The following CPEB3 variants were observed in gnomAD, a reference collection of about 807,000 sequenced individuals.
The protein encoded by CPEB3 is cytoplasmic polyadenylation element-binding protein 3.
CPEB3 carries 20 observed loss-of-function variants against 67.2 expected under a neutral mutation model. The observed-to-expected ratio is 0.30, with a 90% CI of 0.21 to 0.43. The LOEUF is 0.43. Ranked by LOEUF, CPEB3 falls within the 20% of genes least tolerant of loss-of-function variation. The probability of loss-of-function intolerance (pLI) is 1.00; values close to 1 mark genes in which losing one functional copy is unlikely to be tolerated. For synonymous variants in CPEB3, 376 were observed against 393.1 expected (o/e 0.96, Z 0.51); for missense variants, 746 against 968.6 (o/e 0.77, Z 3.05).
Position 92,281,426 on chromosome 10 carries a change from T to C in CPEB3, c.-12+9500A>G, listed in dbSNP as rs74149398. ...ATTGTTCAGTTGTAATAAATTTTTA[T>C]ATATTCTAAATATAAGTCCCTTTTC... On this transcript the variant is annotated intron_variant, in intron 1 of 9. Coordinates refer to ENST00000265997, the MANE Select transcript of CPEB3 (RefSeq NM_014912.5). Among the ~76,000 whole-genome samples, 816 of 152,230 alleles carry C rather than the reference T, an allele frequency of 5.4e-3. 8 individuals are homozygous for C. The highest frequency in any genetic ancestry group is 0.019 in the African/African-American group (777 of 41,546).
chr10:92,151,777 C>T (rs901210355), intron 4 of CPEB3, among the ~76,000 whole-genome samples: 1 of 152,068 alleles, frequency 6.6e-6, no homozygotes, highest in Non-Finnish European at 1.5e-5. Flanking sequence ...TCTTATTTAC[C>T]CTCCAAGGTT....
At chr10:92,161,293 CAG>C (rs1233055400) in intron 4 of CPEB3, among the ~76,000 whole-genome samples, 1 of 151,538 alleles carries the variant, frequency 6.6e-6, no homozygotes, top group Non-Finnish European at 1.5e-5. Flanking sequence ...TTTTTTGAGA[CAG>C]AGTTTCGCCC....
intron 2 of CPEB3, among the ~76,000 whole-genome samples, chr10:92,234,848 C>T (rs951357202): frequency 3.3e-5 from 5 of 151,866 alleles, no homozygotes; most frequent in South Asian, 2.1e-4. Flanking sequence ...TCTCTTGAAC[C>T]GGGGAGGCAG....
At chr10:92,052,837 G>A (rs997632420) in intron 9 of CPEB3, among the ~76,000 whole-genome samples, 2 of 152,202 alleles carry the variant, frequency 1.3e-5, no homozygotes, top group African/African-American at 4.8e-5. Context: ...TGAAAGCCGG[G>A]CAGCATCTGA....
intron 4 of CPEB3, among the ~76,000 whole-genome samples, chr10:92,162,150 T>G (rs1847517701): frequency 6.6e-6 from 1 of 152,198 alleles, no homozygotes; most frequent in Non-Finnish European, 1.5e-5. Flanking sequence ...TCTTTTTTTT[T>G]TTAAGAGAAA....
intron 2 of CPEB3, chr10:92,216,241 T>C (rs1352020521): frequency 5.2e-6 from 6 of 1,164,872 alleles, no homozygotes; most frequent in Non-Finnish European, 6.1e-6. Flanking sequence ...ATCAAGATCA[T>C]ACTGGCCAAC....
chr10:92,140,269 G>A (rs1159753776), intron 6 of CPEB3, among the ~76,000 whole-genome samples: 4 of 152,238 alleles, frequency 2.6e-5, no homozygotes, highest in Middle Eastern at 3.4e-3. Flanking sequence ...GCATGGTACT[G>A]GGACCAAAAC....
At chr10:92,075,007 A>C (rs1261291463) in intron 9 of CPEB3, among the ~76,000 whole-genome samples, 1 of 152,132 alleles carries the variant, frequency 6.6e-6, no homozygotes, top group Non-Finnish European at 1.5e-5. Context: ...CTGTGTGCCA[A>C]GCACTTCCAT....
chr10:92,168,791 C>CTTTTTTTTT (rs748498383), intron 4 of CPEB3, among the ~76,000 whole-genome samples: 1 of 118,390 alleles, frequency 8.4e-6, no homozygotes, highest in African/African-American at 3.5e-5. Context: ...ACCTCTTGCC[C>CTTTTTTTTT]TTTTTTTTTT....
intron 2 of CPEB3, among the ~76,000 whole-genome samples, chr10:92,230,030 G>C (rs1851190899): frequency 6.6e-6 from 1 of 151,200 alleles, no homozygotes; most frequent in Admixed American, 6.6e-5. Context: ...TAGGCAACGA[G>C]AGCGAAACTC....
chr10:92,212,073 G>T (rs1298628668), intron 2 of CPEB3, among the ~76,000 whole-genome samples: 1 of 150,664 alleles, frequency 6.6e-6, no homozygotes, highest in Admixed American at 6.6e-5. Context: ...TAGAGACGGG[G>T]TTTCACTATG....
intron 1 of CPEB3, among the ~76,000 whole-genome samples, chr10:92,246,062 G>C (rs1264458828): frequency 6.8e-6 from 1 of 146,850 alleles, no homozygotes. Flanking sequence ...TAGGCCAGGC[G>C]CGGTGGCTCA....
chr10:92,229,027 A>G (rs2134535520), intron 2 of CPEB3, among the ~76,000 whole-genome samples: 1 of 151,528 alleles, frequency 6.6e-6, no homozygotes, highest in East Asian at 1.9e-4. Flanking sequence ...TTTAAAAAAT[A>G]TTTTAATTTT....
chr10:92,102,006 C>G (rs1189542820), intron 7 of CPEB3, among the ~76,000 whole-genome samples: 2 of 152,142 alleles, frequency 1.3e-5, no homozygotes, highest in Non-Finnish European at 2.9e-5. Context: ...AAACTAAGAG[C>G]CACAACAATA....
At chr10:92,281,510 G>T (rs1213140140) in intron 1 of CPEB3, among the ~76,000 whole-genome samples, 1 of 151,974 alleles carries the variant, frequency 6.6e-6, no homozygotes, top group African/African-American at 2.4e-5. Flanking sequence ...CACTACGATG[G>T]TATCCTTCGC....
chr10:92,072,181 A>G (rs994199356), intron 9 of CPEB3, among the ~76,000 whole-genome samples: 1 of 152,218 alleles, frequency 6.6e-6, no homozygotes, highest in African/African-American at 2.4e-5. Flanking sequence ...GAAAAAACAT[A>G]CCCAGTTGTC....
At chr10:92,121,407 C>G (rs945338207) in intron 6 of CPEB3, among the ~76,000 whole-genome samples, 4 of 73,820 alleles carry the variant, frequency 5.4e-5, no homozygotes, top group Non-Finnish European at 8.3e-5. Context: ...AATAGAGAGA[C>G]AGCGCGTGAG....
At chr10:92,123,871 T>C (rs1430306750) in intron 6 of CPEB3, among the ~76,000 whole-genome samples, 1 of 152,210 alleles carries the variant, frequency 6.6e-6, no homozygotes, top group East Asian at 1.9e-4. Context: ...CCCAGGTCTT[T>C]GCTCTCAGTT....
intron 9 of CPEB3, among the ~76,000 whole-genome samples, chr10:92,065,365 C>A (rs1842506707): frequency 1.3e-5 from 2 of 152,256 alleles, no homozygotes; most frequent in South Asian, 4.2e-4. Context: ...GAATTACAGG[C>A]ATGTGCCACC....
Sources: gnomAD v4.1 joint callset for allele counts (sites outside exome capture counted in the v4.1 genomes callset) on GRCh38, gnomAD v4.1.1 for gene constraint, MANE v1.5 for transcripts, NCBI Gene and HGNC (gene_info 2026-07-23, HGNC 2026-07-21) for gene names.